Variants in PPP2R5A observed in about 807,000 individuals in gnomAD.
PPP2R5A encodes protein phosphatase 2 regulatory subunit B'alpha, also known as serine/threonine-protein phosphatase 2A 56 kDa regulatory subunit alpha isoform.
Under a neutral mutation model 64.2 loss-of-function variants are expected in PPP2R5A, and 25 were observed. The observed-to-expected ratio is 0.39, with a 90% CI of 0.28 to 0.54. The LOEUF (loss-of-function observed/expected upper bound fraction) is 0.54, where lower values mean the gene tolerates loss of function less well. Among genes scored for constraint, PPP2R5A ranks in the 20% least tolerant of loss-of-function variants. The pLI, the probability that PPP2R5A is intolerant of heterozygous loss-of-function variation, is 0.67. For missense variants in PPP2R5A, 425 were observed against 576.3 expected (o/e 0.74, Z 2.69); for synonymous variants, 198 against 201.2 (o/e 0.98, Z 0.13).
chr1:212,335,470 C>T (rs1341623340), intron 3 of PPP2R5A, among the ~76,000 whole-genome samples: 4 of 141,094 alleles, frequency 2.8e-5, no homozygotes, highest in Non-Finnish European at 4.7e-5. Flanking sequence ...AGAGAAACTC[C>T]GGCTCAAAAA....
At chr1:212,306,311 A>G (rs1245733035) in intron 1 of PPP2R5A, among the ~76,000 whole-genome samples, 1 of 151,640 alleles carries the variant, frequency 6.6e-6, no homozygotes, top group Non-Finnish European at 1.5e-5. Context: ...GTGCCTGGGC[A>G]TTTAACAAAG....
rs1227593311 is a variant in PPP2R5A at position 212,285,824 on chromosome 1, CAG to C, written c.-284_-283del. 1 of 327,466 alleles carries C rather than the reference CAG, an allele frequency of 3.1e-6. No individual in the cohort carries two copies. Among genetic ancestry groups the C allele is most frequent in the Admixed American group, 5.0e-5 (1 of 19,968 alleles). The allele number at this position is 327,466 out of a possible 1,614,324, so 20.3% of individuals were successfully genotyped here. On this transcript the variant is annotated 5_prime_UTR_variant, in exon 1 of 13. Coordinates refer to ENST00000261461, the MANE Select transcript of PPP2R5A (RefSeq NM_006243.4). The stretch of plus-strand genomic sequence containing the variant: ...CTCTCTTCCACCCGCTCTGCGCGCC[CAG>C]AGTCAACAACTTCTTCACCCCCCTC...
At chr1:212,327,888 C>T (rs373841371) in intron 1 of PPP2R5A, among the ~76,000 whole-genome samples, 8 of 152,212 alleles carry the variant, frequency 5.3e-5, no homozygotes, top group African/African-American at 1.4e-4. Flanking sequence ...GATTTCGGCT[C>T]GCTGCAACCC....
chr1:212,299,814 CTTTT>C (rs59480144), intron 1 of PPP2R5A, among the ~76,000 whole-genome samples: 2 of 141,908 alleles, frequency 1.4e-5, no homozygotes, highest in Non-Finnish European at 3.1e-5. Flanking sequence ...CTTCATAAGA[CTTTT>C]TTTTTTTTTT....
Position 212,309,145 on chromosome 1 carries a change from T to C in PPP2R5A, c.182-19990T>C, listed in dbSNP as rs878993968. On this transcript the variant is annotated intron_variant, in intron 1 of 12. Transcript: ENST00000261461. ...CTCTCCATCAGGCCGAATCAGGGTG[T>C]TGACCTTGGCCACATTGGTGTCATA... 26 of 1,171,838 alleles carry C rather than the reference T, an allele frequency of 2.2e-5. No homozygotes were observed. The South Asian group carries it at 2.9e-4, about 13-fold the overall frequency. The allele number at this position is 1,171,838 out of a possible 1,614,324, so 72.6% of individuals were successfully genotyped here.
chr1:212,289,879 T>C (rs1365147105), intron 1 of PPP2R5A, among the ~76,000 whole-genome samples: 1 of 152,210 alleles, frequency 6.6e-6, no homozygotes, highest in Non-Finnish European at 1.5e-5. Flanking sequence ...GAAGTGCAGC[T>C]GCAACATCTT....
At chr1:212,298,846 C>G (rs1182153686) in intron 1 of PPP2R5A, among the ~76,000 whole-genome samples, 11 of 40,096 alleles carry the variant, frequency 2.7e-4, no homozygotes, top group South Asian at 7.3e-4. Context: ...GCGCCCCTCA[C>G]CTCCCGGACG....
chr1:212,329,302 G>T lies in PPP2R5A; in HGVS notation c.349G>T (p.Glu117Ter). The change falls in exon 2 of 13, where the codon GAA (glutamate) becomes TAA (stop). Residue 117 changes from glutamate to a stop codon, truncating the protein, a stop_gained. Coordinates refer to ENST00000261461, the MANE Select transcript of PPP2R5A (RefSeq NM_006243.4). LOFTEE classifies it high-confidence loss of function. ...YVSTNRGVIV[E>*]SAYSDIVKMI... ...TTCAACTAATCGTGGTGTAATTGTT[G>T]AATCAGCGTATTCTGATATAGTAAA... The T allele has an allele frequency of 1.2e-6, 2 of 1,605,432 alleles. No individual in the cohort carries two copies. The highest frequency in any genetic ancestry group is 1.1e-5 in the South Asian group (1 of 88,622).
intron 1 of PPP2R5A, among the ~76,000 whole-genome samples, chr1:212,321,961 G>A (rs984325813): frequency 3.9e-5 from 6 of 151,948 alleles, no homozygotes; most frequent in South Asian, 2.1e-4. Flanking sequence ...CCAGGCTGGC[G>A]GATCACTCGC....
intron 1 of PPP2R5A, among the ~76,000 whole-genome samples, chr1:212,322,945 C>T (rs186315181): frequency 1.3e-5 from 2 of 152,118 alleles, no homozygotes; most frequent in Admixed American, 6.5e-5. Flanking sequence ...GCCACCATGC[C>T]CGGCTAATTT....
At chr1:212,287,135 C>CT (rs1293691559) in intron 1 of PPP2R5A, among the ~76,000 whole-genome samples, 2 of 152,242 alleles carry the variant, frequency 1.3e-5, no homozygotes, top group African/African-American at 4.8e-5. Flanking sequence ...ACTTGGCACT[C>CT]TTTTTGGCTC....
chr1:212,336,572 C>T (rs1258027107), intron 3 of PPP2R5A, among the ~76,000 whole-genome samples: 1 of 152,156 alleles, frequency 6.6e-6, no homozygotes, highest in African/African-American at 2.4e-5. Context: ...CAAAATTTGG[C>T]ATACAGTTTT....
chr1:212,306,639 G>T (rs966294306), intron 1 of PPP2R5A: 1 of 151,298 alleles, frequency 6.6e-6, no homozygotes, highest in African/African-American at 2.4e-5. Flanking sequence ...CAATCTACTT[G>T]TATTTTTAAA....
At chr1:212,321,312 CG>C (rs1659285147) in intron 1 of PPP2R5A, among the ~76,000 whole-genome samples, 1 of 140,252 alleles carries the variant, frequency 7.1e-6, no homozygotes, top group Non-Finnish European at 1.5e-5. Flanking sequence ...GCTGGCCGGG[CG>C]AGGGGCTGAC....
At chr1:212,307,262 T>TTCACTACATA (rs766216766) in intron 1 of PPP2R5A, among the ~76,000 whole-genome samples, 15 of 149,392 alleles carry the variant, frequency 1.0e-4, no homozygotes, top group South Asian at 2.1e-4. Flanking sequence ...TTTTGAGAGT[T>TTCACTACATA]TTTTTTTTTT....
chr1:212,359,533 ATT>A (rs1660044170), intron 12 of PPP2R5A, among the ~76,000 whole-genome samples: 2 of 152,168 alleles, frequency 1.3e-5, no homozygotes, highest in African/African-American at 4.8e-5. Context: ...TCATATGTTT[ATT>A]TCAAACTCAA....
chr1:212,347,325 CTTGTCT>C lies in PPP2R5A; in HGVS notation c.705-19_705-14del. On this transcript the variant is annotated splice_polypyrimidine_tract_variant and intron_variant, in intron 5 of 12. Coordinates refer to ENST00000261461, the MANE Select transcript of PPP2R5A (RefSeq NM_006243.4). ...TTCTGAAGTTTGATTTTGATTACATCTTGTCTTTATTTTAAATTCAGGTTTATATAT... is the reference window on the plus strand; with the variant it reads ...TTCTGAAGTTTGATTTTGATTACATCTTATTTTAAATTCAGGTTTATATAT... 1 of 1,509,866 alleles carries C rather than the reference CTTGTCT, an allele frequency of 6.6e-7. No individual in the cohort carries two copies. The highest frequency in any genetic ancestry group is 2.3e-5 in the East Asian group (1 of 43,958). The allele number at this position is 1,509,866 out of a possible 1,614,324, so 93.5% of individuals were successfully genotyped here. A position where few individuals can be genotyped will look rare whatever the true frequency, so the allele number is the denominator to read the frequency against.
At chr1:212,327,674 A>G (rs1190005230) in intron 1 of PPP2R5A, among the ~76,000 whole-genome samples, 1 of 152,130 alleles carries the variant, frequency 6.6e-6, no homozygotes, top group Non-Finnish European at 1.5e-5. Context: ...TCAGCCTTCC[A>G]AAGTGCTGGG....
intron 3 of PPP2R5A, among the ~76,000 whole-genome samples, chr1:212,334,823 C>CT (rs1225770713): frequency 9.2e-5 from 14 of 152,076 alleles, no homozygotes; most frequent in Admixed American, 6.6e-4. Context: ...AATGTTATCT[C>CT]TTTAAGTTTT....
Sources: allele counts gnomAD v4.1 joint callset (sites outside exome capture counted in the v4.1 genomes callset), GRCh38; gene constraint gnomAD v4.1.1; transcripts MANE v1.5; gene names NCBI Gene and HGNC (gene_info 2026-07-23, HGNC 2026-07-21).